ADAMTSL1: variants seen among roughly 807,000 people sequenced by gnomAD.
ADAMTSL1 encodes ADAMTS like 1, also known as ADAMTS-like protein 1.
A neutral mutation model predicts 201.8 loss-of-function variants in ADAMTSL1; 126 were observed. The ratio of observed to expected loss-of-function variants is 0.62; its 90% confidence interval spans 0.54 to 0.72. The LOEUF is 0.72. Ranked by LOEUF, ADAMTSL1 falls within the 30% of genes least tolerant of loss-of-function variation. The pLI is 0.00. For synonymous variants in ADAMTSL1, 1,121 were observed against 903.4 expected, an observed-to-expected ratio of 1.24 and a Z score of -4.32; for missense variants, 2,679 against 2,277.8, an observed-to-expected ratio of 1.18 and a Z score of -3.59.
At chr9:18,187,885 G>T (rs1207935271) in intron 2 of ADAMTSL1, among the ~76,000 whole-genome samples, 3 of 152,104 alleles carry the variant, frequency 2.0e-5, no homozygotes, top group Non-Finnish European at 4.4e-5. Context: ...ATTATGCAAT[G>T]TATATATCCC....
chr9:18,062,633 C>G (rs1253729564), intron 1 of ADAMTSL1, among the ~76,000 whole-genome samples: 1 of 151,958 alleles, frequency 6.6e-6, no homozygotes, highest in African/African-American at 2.4e-5. Context: ...GTAAGGAGAA[C>G]AGTCATAACA....
At chr9:18,005,364 C>T (rs527452956) in intron 1 of ADAMTSL1, among the ~76,000 whole-genome samples, 2 of 152,156 alleles carry the variant, frequency 1.3e-5, no homozygotes, top group East Asian at 1.9e-4. Flanking sequence ...CTTTATTGAG[C>T]ACCTACTGTG....
intron 2 of ADAMTSL1, among the ~76,000 whole-genome samples, chr9:18,168,223 C>G (rs983256914): frequency 2.0e-5 from 3 of 151,980 alleles, no homozygotes; most frequent in African/African-American, 7.2e-5. Context: ...ATTAACTCAT[C>G]ATTTAGCATT....
intron 2 of ADAMTSL1, among the ~76,000 whole-genome samples, chr9:18,183,486 A>G (rs544091802): frequency 4.5e-4 from 69 of 152,340 alleles, no homozygotes; most frequent in African/African-American, 1.6e-3. Context: ...CTGAAAAAGC[A>G]TTATTATCTA....
chr9:18,707,544 G>T (rs953418610), intron 14 of ADAMTSL1, among the ~76,000 whole-genome samples: 1 of 152,206 alleles, frequency 6.6e-6, no homozygotes, highest in Non-Finnish European at 1.5e-5. Flanking sequence ...GAGCTGGAAA[G>T]GAGTTTAAAG....
At chr9:18,891,108 C>T (rs756261572) in intron 25 of ADAMTSL1, among the ~76,000 whole-genome samples, 6 of 137,478 alleles carry the variant, frequency 4.4e-5, no homozygotes, top group Admixed American at 1.5e-4. Context: ...AGTCACAGTC[C>T]AGATTTAGGA....
intron 1 of ADAMTSL1, among the ~76,000 whole-genome samples, chr9:17,996,824 T>C (rs1819400535): frequency 6.6e-6 from 1 of 152,146 alleles, no homozygotes; most frequent in Non-Finnish European, 1.5e-5. Flanking sequence ...AATTGTTCAG[T>C]GTAAGCCCAC....
intron 2 of ADAMTSL1, among the ~76,000 whole-genome samples, chr9:18,265,962 G>A (rs1832104455): frequency 6.6e-6 from 1 of 152,010 alleles, no homozygotes; most frequent in Non-Finnish European, 1.5e-5. Flanking sequence ...ACTATTTTTT[G>A]AGTGATATTT....
intron 17 of ADAMTSL1, among the ~76,000 whole-genome samples, chr9:18,772,265 T>C (rs1290490966): frequency 6.6e-6 from 1 of 152,222 alleles, no homozygotes; most frequent in East Asian, 1.9e-4. Flanking sequence ...TAATAGTCTG[T>C]CATGAGTGGA....
At position 18,628,048 on chromosome 9, in the gene ADAMTSL1, T is replaced by G. The variant is rs144199754; in HGVS notation, c.601+5679T>G. On this transcript the variant is annotated intron_variant, in intron 5 of 28. Coordinates refer to ENST00000380548, the MANE Select transcript of ADAMTSL1 (RefSeq NM_001040272.6). Reference sequence around the variant, plus strand: ...AATATTTTCTCCATCATAGCTTTTTTATTCAAAATTGCTTAATGTTATCTT... The same window carrying G: ...AATATTTTCTCCATCATAGCTTTTTGATTCAAAATTGCTTAATGTTATCTT... Among the ~76,000 whole-genome samples, 268 of 152,344 alleles carry G rather than the reference T, an allele frequency of 1.8e-3. 1 individual carries two copies. The highest frequency in any genetic ancestry group is 5.9e-3 in the African/African-American group (245 of 41,588).
At chr9:18,528,067 G>A (rs1193997202) in intron 2 of ADAMTSL1, among the ~76,000 whole-genome samples, 1 of 152,008 alleles carries the variant, frequency 6.6e-6, no homozygotes, top group African/African-American at 2.4e-5. Context: ...TATTAGAGAC[G>A]GGGTTTCATC....
At chr9:18,301,257 A>C (rs188051245) in intron 2 of ADAMTSL1, among the ~76,000 whole-genome samples, 275 of 152,340 alleles carry the variant, frequency 1.8e-3, no homozygotes, top group African/African-American at 6.3e-3. Context: ...GCGTCTTGGA[A>C]TCAATGAAAT....
chr9:18,803,294 C>T (rs1343028221), intron 20 of ADAMTSL1, among the ~76,000 whole-genome samples: 7 of 152,188 alleles, frequency 4.6e-5, no homozygotes, highest in Non-Finnish European at 7.3e-5. Context: ...ATCTGAGTGC[C>T]ATTTCCAGCT....
At chr9:18,249,003 G>T (rs939352963) in intron 2 of ADAMTSL1, among the ~76,000 whole-genome samples, 1 of 152,156 alleles carries the variant, frequency 6.6e-6, no homozygotes, top group Non-Finnish European at 1.5e-5. Context: ...TTTTTGGATA[G>T]ATTTGCATAT....
chr9:18,837,946 G>C (rs1440606833), intron 23 of ADAMTSL1, among the ~76,000 whole-genome samples: 1 of 152,112 alleles, frequency 6.6e-6, no homozygotes, highest in African/African-American at 2.4e-5. Flanking sequence ...GTATCTCTGT[G>C]TCCTTCATCC....
intron 9 of ADAMTSL1, among the ~76,000 whole-genome samples, chr9:18,669,195 A>G (rs1326399847): frequency 6.6e-6 from 1 of 152,254 alleles, no homozygotes; most frequent in Non-Finnish European, 1.5e-5. Flanking sequence ...AGGTTAGGCA[A>G]GCCTCTTTCA....
In ADAMTSL1 at chr9:18,635,974, A is replaced by G; in HGVS notation, c.633A>G (p.Gly211=). 1 of 1,602,018 alleles carries G rather than the reference A, an allele frequency of 6.2e-7. No homozygotes were observed. The highest frequency in any genetic ancestry group is 1.8e-5 in the Admixed American group (1 of 55,924). The part of the protein sequence containing the change: ...SDDTVVAIPY[G]SRHIRLVLKG... ...ATACTGTGGTTGCAATTCCCTATGG[A>G]AGTAGACATATTCGCCTTGTCTTAA... Residue 211 remains glycine (G), a synonymous_variant, in exon 6 of 29, where the codon GGA becomes GGG. Coordinates refer to ENST00000380548, the MANE Select transcript of ADAMTSL1 (RefSeq NM_001040272.6).
chr9:18,279,448 T>A (rs567250074), intron 2 of ADAMTSL1, among the ~76,000 whole-genome samples: 1 of 152,150 alleles, frequency 6.6e-6, no homozygotes, highest in South Asian at 2.1e-4. Flanking sequence ...TTTTTCACTT[T>A]GGTGGGGTCA....
intron 1 of ADAMTSL1, among the ~76,000 whole-genome samples, chr9:18,135,285 A>G (rs552737333): frequency 5.3e-5 from 8 of 152,300 alleles, no homozygotes; most frequent in African/African-American, 1.9e-4. Context: ...ATTCATATCA[A>G]GTTTTCAAGG....
Sources: allele counts gnomAD v4.1 joint callset (sites outside exome capture counted in the v4.1 genomes callset), GRCh38; gene constraint gnomAD v4.1.1; transcripts MANE v1.5; gene names NCBI Gene and HGNC (gene_info 2026-07-23, HGNC 2026-07-21).